WWOX: variants seen among roughly 807,000 people sequenced by gnomAD.
The protein encoded by WWOX is WW domain-containing oxidoreductase.
Under a neutral mutation model 46.2 loss-of-function variants are expected in WWOX, and 69 were observed. The ratio of observed to expected loss-of-function variants is 1.49; its 90% CI spans 1.23 to 1.82. The LOEUF (loss-of-function observed/expected upper bound fraction) is 1.82. Among genes scored for constraint, WWOX ranks in the 40% most tolerant of loss-of-function variants. The pLI is 0.00. For missense variants in WWOX, 919 were observed against 542.6 expected (o/e 1.69, Z -6.89); for synonymous variants, 359 against 202.6 (o/e 1.77, Z -6.56).
At chr16:78,825,948 A>G in intron 8 of WWOX, 1 of 800,908 alleles carries the variant, frequency 1.2e-6, no homozygotes, top group Non-Finnish European at 2.0e-6. Flanking sequence ...CCCATCTCAG[A>G]ACAGAAGGGT....
At chr16:78,992,390 C>T (rs901128907) in intron 8 of WWOX, among the ~76,000 whole-genome samples, 6 of 152,058 alleles carry the variant, frequency 3.9e-5, no homozygotes, top group African/African-American at 1.2e-4. Flanking sequence ...TTGCTTGAAT[C>T]CGGGAGGCAG....
Position 78,977,653 on chromosome 16 carries a change from G to C in WWOX, c.1057-233955G>C, listed in dbSNP as rs542031897. On this transcript the variant is annotated intron_variant, in intron 8 of 8. Transcript: ENST00000566780. ...AGGAAAACAGTGAAAGCTCAGCCTC[G>C]AAAGAAGTGCTTAAAGGAAAGGAGG... Among the ~76,000 whole-genome samples the C allele has an allele frequency of 5.3e-4, 81 of 152,122 alleles. 1 individual carries two copies. Among genetic ancestry groups the C allele is most frequent in the Non-Finnish European group, 6.3e-4 (43 of 68,004 alleles).
intron 8 of WWOX, chr16:79,204,990 G>A (rs1173890497): frequency 6.6e-6 from 1 of 152,168 alleles, no homozygotes; most frequent in Non-Finnish European, 1.5e-5. Context: ...TTGTCAGGGA[G>A]AATGGCATGG....
intron 8 of WWOX, chr16:79,106,524 G>T (rs1374447868): frequency 1.4e-5 from 2 of 146,604 alleles, no homozygotes; most frequent in Non-Finnish European, 3.0e-5. Context: ...TTTGGGGAAA[G>T]TATACCTATC....
At chr16:78,281,289 G>T (rs1212509729) in intron 5 of WWOX, among the ~76,000 whole-genome samples, 1 of 152,162 alleles carries the variant, frequency 6.6e-6, no homozygotes, top group African/African-American at 2.4e-5. Context: ...CTCCCATTAC[G>T]GACATGTTTC....
At chr16:78,503,191 A>C (rs2085112195) in intron 8 of WWOX, among the ~76,000 whole-genome samples, 1 of 152,112 alleles carries the variant, frequency 6.6e-6, no homozygotes, top group East Asian at 1.9e-4. Flanking sequence ...AATTCCCTTT[A>C]AGCTGCTTAT....
At chr16:79,127,868 G>A (rs528849118) in intron 8 of WWOX, among the ~76,000 whole-genome samples, 1 of 152,274 alleles carries the variant, frequency 6.6e-6, no homozygotes, top group East Asian at 1.9e-4. Context: ...ATATTTTGTT[G>A]GGACACAGAA....
At chr16:78,434,078 C>G (rs1226512565) in intron 8 of WWOX, among the ~76,000 whole-genome samples, 1 of 152,090 alleles carries the variant, frequency 6.6e-6, no homozygotes. Context: ...CGTGAGCCAC[C>G]GCGCCCGGCC....
At chr16:78,406,315 T>TAA (rs1940771489) in intron 6 of WWOX, among the ~76,000 whole-genome samples, 1 of 60,320 alleles carries the variant, frequency 1.7e-5, no homozygotes, top group Admixed American at 1.5e-4. Context: ...TATATATATA[T>TAA]ATATATATAT....
intron 6 of WWOX, among the ~76,000 whole-genome samples, chr16:78,390,819 G>A (rs1172836780): frequency 6.6e-6 from 1 of 152,172 alleles, no homozygotes; most frequent in African/African-American, 2.4e-5. Context: ...AAGAAAGGCT[G>A]CCAGTTCAGA....
intron 8 of WWOX, among the ~76,000 whole-genome samples, chr16:78,668,854 G>A (rs1044223797): frequency 1.2e-3 from 190 of 152,276 alleles, no homozygotes; most frequent in African/African-American, 4.4e-3. Flanking sequence ...GATGAGACAC[G>A]TGGTGTTCAC....
chr16:78,596,091 G>T (rs940081528), intron 8 of WWOX, among the ~76,000 whole-genome samples: 2 of 152,046 alleles, frequency 1.3e-5, no homozygotes, highest in African/African-American at 4.8e-5. Flanking sequence ...TTCTAATCAT[G>T]TGTGACTATA....
At chr16:79,167,587 T>A (rs2050619778) in intron 8 of WWOX, among the ~76,000 whole-genome samples, 1 of 152,176 alleles carries the variant, frequency 6.6e-6, no homozygotes, top group Non-Finnish European at 1.5e-5. Context: ...TCCCATCAGC[T>A]TAAGGCAGCG....
At chr16:78,233,595 C>T (rs894260421) in intron 5 of WWOX, among the ~76,000 whole-genome samples, 18 of 147,054 alleles carry the variant, frequency 1.2e-4, no homozygotes, top group Non-Finnish European at 1.6e-4. Context: ...ATCGCGATCT[C>T]GGCTCATTGC....
chr16:78,773,804 T>C (rs1156888170), intron 8 of WWOX, among the ~76,000 whole-genome samples: 1 of 152,172 alleles, frequency 6.6e-6, no homozygotes, highest in Non-Finnish European at 1.5e-5. Flanking sequence ...GATCAGGCAG[T>C]ACTTTGCATG....
chr16:78,524,357 A>C (rs2043411771), intron 8 of WWOX, among the ~76,000 whole-genome samples: 1 of 151,994 alleles, frequency 6.6e-6, no homozygotes, highest in South Asian at 2.1e-4. Context: ...AATGCAACTT[A>C]ATTGGTAAAG....
In WWOX at chr16:78,977,922, A is replaced by G. The variant is rs553140594; in HGVS notation, c.1057-233686A>G. Among the ~76,000 whole-genome samples, 5 of 152,322 alleles carry G rather than the reference A, an allele frequency of 3.3e-5. No homozygotes were observed. The South Asian group carries it at 1.0e-3, about 32-fold the overall frequency. On this transcript the variant is annotated intron_variant, in intron 8 of 8. Coordinates refer to ENST00000566780, the MANE Select transcript of WWOX (RefSeq NM_016373.4). ...AAATTCACATAATATAAGATTAACCATTTCAAAGTAGACAGTTCAATAGCA... is the reference window on the plus strand; with the variant it reads ...AAATTCACATAATATAAGATTAACCGTTTCAAAGTAGACAGTTCAATAGCA...
At chr16:78,255,016 A>G (rs1482943256) in intron 5 of WWOX, among the ~76,000 whole-genome samples, 5 of 152,234 alleles carry the variant, frequency 3.3e-5, no homozygotes, top group Non-Finnish European at 7.3e-5. Context: ...AGAGCAGTTC[A>G]GGATGTGTTT....
At chr16:79,163,816 A>AG (rs1555537739) in intron 8 of WWOX, among the ~76,000 whole-genome samples, 7 of 124,508 alleles carry the variant, frequency 5.6e-5, no homozygotes, top group African/African-American at 2.2e-4. Context: ...AAAAAAAAAA[A>AG]AGAGAGAGAG....
Sources: allele counts gnomAD v4.1 joint callset (sites outside exome capture counted in the v4.1 genomes callset), GRCh38; gene constraint gnomAD v4.1.1; transcripts MANE v1.5; gene names NCBI Gene and HGNC (gene_info 2026-07-23, HGNC 2026-07-21).